The following CCSER1 variants were observed in gnomAD, a reference collection of about 807,000 sequenced individuals.
The protein encoded by CCSER1 is serine-rich coiled-coil domain-containing protein 1.
A neutral mutation model predicts 82.0 loss-of-function variants in CCSER1; 41 were observed. The ratio of observed to expected loss-of-function variants is 0.50; its 90% CI spans 0.39 to 0.65. The LOEUF (loss-of-function observed/expected upper bound fraction) is 0.65, where lower values mean the gene tolerates loss of function less well. CCSER1 is among the 30% of genes least tolerant of loss of function. CCSER1 has a pLI of 0.00. For missense variants in CCSER1, 1,119 were observed against 1,064.2 expected, an observed-to-expected ratio of 1.05 and a Z score of -0.72; for synonymous variants, 414 against 383.9, an observed-to-expected ratio of 1.08 and a Z score of -0.92.
At chr4:90,879,609 G>A (rs72663684) in intron 8 of CCSER1, among the ~76,000 whole-genome samples, 2,884 of 20,200 alleles carry the variant, frequency 0.14, 91 homozygotes, top group African/African-American at 0.37. Context: ...AGGAAGAAGA[G>A]GAGGAGGAGG....
intron 5 of CCSER1, among the ~76,000 whole-genome samples, chr4:90,499,925 G>T (rs889438436): frequency 3.3e-5 from 5 of 152,080 alleles, no homozygotes; most frequent in African/African-American, 7.2e-5. Flanking sequence ...AACATGGAGG[G>T]ACCAAATTAG....
intron 8 of CCSER1, among the ~76,000 whole-genome samples, chr4:90,906,194 A>T (rs1725444622): frequency 6.6e-6 from 1 of 152,144 alleles, no homozygotes; most frequent in South Asian, 2.1e-4. Context: ...TGCTATTCAG[A>T]TAATACATAT....
intron 10 of CCSER1, among the ~76,000 whole-genome samples, chr4:91,331,300 A>C (rs1415466912): frequency 6.6e-6 from 1 of 152,082 alleles, no homozygotes; most frequent in Non-Finnish European, 1.5e-5. Flanking sequence ...TGGACACTTT[A>C]GTTTTCTTTA....
At chr4:90,231,159 G>A (rs1744449785) in intron 1 of CCSER1, among the ~76,000 whole-genome samples, 1 of 151,960 alleles carries the variant, frequency 6.6e-6, no homozygotes, top group South Asian at 2.1e-4. Flanking sequence ...GCCGGGCAGA[G>A]ACACAACCAA....
intron 4 of CCSER1, among the ~76,000 whole-genome samples, chr4:90,454,562 C>T (rs1056475087): frequency 6.6e-6 from 1 of 152,068 alleles, no homozygotes; most frequent in Non-Finnish European, 1.5e-5. Flanking sequence ...GTATGCACAC[C>T]TGAGAGTGTT....
chr4:91,566,060 T>A (rs78201571), intron 10 of CCSER1, among the ~76,000 whole-genome samples: 8,771 of 152,140 alleles, frequency 0.058, 268 homozygotes, highest in Middle Eastern at 0.078. Context: ...TTGAGTTATG[T>A]TCCTTCAATA....
chr4:90,604,123 A>T (rs975632591), intron 5 of CCSER1, among the ~76,000 whole-genome samples: 2 of 152,318 alleles, frequency 1.3e-5, no homozygotes, highest in South Asian at 4.1e-4. Flanking sequence ...TTCCTGGTGA[A>T]CTATTGAGGG....
At chr4:90,329,731 A>C (rs1241288808) in intron 3 of CCSER1, among the ~76,000 whole-genome samples, 2 of 152,174 alleles carry the variant, frequency 1.3e-5, no homozygotes, top group Non-Finnish European at 2.9e-5. Context: ...GCTATGATTT[A>C]TGTTATACTT....
chr4:90,142,881 T>C (rs1725055324), intron 1 of CCSER1, among the ~76,000 whole-genome samples: 1 of 152,208 alleles, frequency 6.6e-6, no homozygotes, highest in South Asian at 2.1e-4. Context: ...ATGTTTCTGC[T>C]ACAGTTCTAT....
At chr4:90,577,764 T>C (rs2148615011) in intron 5 of CCSER1, among the ~76,000 whole-genome samples, 1 of 152,282 alleles carries the variant, frequency 6.6e-6, no homozygotes, top group South Asian at 2.1e-4. Context: ...ATGGAGATCA[T>C]TGTCTGAGTT....
intron 8 of CCSER1, among the ~76,000 whole-genome samples, chr4:90,873,943 T>G (rs1766877274): frequency 2.0e-5 from 3 of 152,158 alleles, no homozygotes. Flanking sequence ...AATTTTATTT[T>G]CAAAATATAG....
intron 10 of CCSER1, among the ~76,000 whole-genome samples, chr4:91,371,593 T>C (rs534166309): frequency 1.1e-4 from 16 of 152,292 alleles, no homozygotes; most frequent in South Asian, 1.0e-3. Flanking sequence ...GACACTTAGA[T>C]TGCTTCCAAA....
chr4:90,661,915 A>T (rs1021601), intron 6 of CCSER1, among the ~76,000 whole-genome samples: 1 of 150,620 alleles, frequency 6.6e-6, no homozygotes, highest in Non-Finnish European at 1.5e-5. Context: ...AAAAAAAAAA[A>T]ATTTATTTTA....
chr4:90,606,247 A>G (rs1448307238), intron 5 of CCSER1, among the ~76,000 whole-genome samples: 1 of 152,210 alleles, frequency 6.6e-6, no homozygotes, highest in Non-Finnish European at 1.5e-5. Context: ...ATGCAGATAC[A>G]GTCTGAAAAA....
chr4:90,151,544 C>A (rs551215307), intron 1 of CCSER1, among the ~76,000 whole-genome samples: 2 of 151,896 alleles, frequency 1.3e-5, no homozygotes, highest in Non-Finnish European at 2.9e-5. Flanking sequence ...TTAATATACA[C>A]CCTTTTTCTT....
chr4:91,361,927 A>C (rs1256659829), intron 10 of CCSER1, among the ~76,000 whole-genome samples: 1 of 151,890 alleles, frequency 6.6e-6, no homozygotes, highest in East Asian at 1.9e-4. Context: ...AAGAAAAATA[A>C]AATGGGGAGG....
intron 10 of CCSER1, among the ~76,000 whole-genome samples, chr4:91,525,343 G>A (rs1042859217): frequency 6.6e-6 from 1 of 152,122 alleles, no homozygotes; most frequent in Non-Finnish European, 1.5e-5. Context: ...GCAATATGAA[G>A]ACAATGGTAT....
rs1388533417 is a variant in CCSER1 at position 90,932,958 on chromosome 4, G to GA, written c.2172+9514dup. 1.2e-4 allele frequency among the ~76,000 whole-genome samples: 4 copies of GA among 33,866 alleles called. No homozygotes were observed. In the East Asian group the frequency reaches 1.6e-3, roughly 14 times the overall value. The allele number at this position is 33,866 out of a possible 152,430, so 22.2% of individuals were successfully genotyped here. A position where few individuals can be genotyped will look rare whatever the true frequency, so the allele number is the denominator to read the frequency against. Reference sequence around the variant, plus strand: ...AGAAAGAAAGAAAGAAAGAAAGAAAGAAAGAAAGAAAGAAAGAAAGAAAGA... The same window carrying GA: ...AGAAAGAAAGAAAGAAAGAAAGAAAGAAAAGAAAGAAAGAAAGAAAGAAAGA... On this transcript the variant is annotated intron_variant, in intron 9 of 10. Coordinates refer to ENST00000509176, the MANE Select transcript of CCSER1 (RefSeq NM_001145065.2).
At chr4:90,767,141 G>A (rs186253445) in intron 7 of CCSER1, among the ~76,000 whole-genome samples, 27 of 152,110 alleles carry the variant, frequency 1.8e-4, no homozygotes, top group Admixed American at 3.3e-4. Context: ...AAAGCCTTCC[G>A]GCTTGATTCC....
Sources: gnomAD v4.1 joint callset for allele counts (sites outside exome capture counted in the v4.1 genomes callset) on GRCh38, gnomAD v4.1.1 for gene constraint, MANE v1.5 for transcripts, NCBI Gene and HGNC (gene_info 2026-07-23, HGNC 2026-07-21) for gene names.